Variants in KCNH1 observed in about 807,000 individuals in gnomAD.
KCNH1 encodes the protein voltage-gated delayed rectifier potassium channel KCNH1.
In KCNH1, 27 loss-of-function variants were observed where a neutral mutation model predicts 69.2. That is an observed-to-expected ratio of 0.39 (90% CI 0.29 to 0.54). The LOEUF is 0.54. Ranked by LOEUF, KCNH1 falls within the 20% of genes least tolerant of loss-of-function variation. KCNH1 has a pLI of 0.68. For synonymous variants in KCNH1, 456 were observed against 487.7 expected (o/e 0.93, Z 0.86); for missense variants, 798 against 1,261.6 (o/e 0.63, Z 5.57).
chr1:211,129,841 G>A (rs78270044), intron 1 of KCNH1, among the ~76,000 whole-genome samples: 5 of 152,294 alleles, frequency 3.3e-5, no homozygotes, highest in Non-Finnish European at 5.9e-5. Flanking sequence ...TTAGCAATCT[G>A]TAAATTATAC....
chr1:211,113,432 A>G (rs1286862131), intron 1 of KCNH1, among the ~76,000 whole-genome samples: 1 of 152,176 alleles, frequency 6.6e-6, no homozygotes, highest in East Asian at 1.9e-4. Flanking sequence ...CCACTTCTAA[A>G]TGCTTGGGTT....
intron 7 of KCNH1, among the ~76,000 whole-genome samples, chr1:210,881,054 G>A (rs1686484753): frequency 6.7e-6 from 1 of 148,756 alleles, no homozygotes; most frequent in African/African-American, 2.5e-5. Flanking sequence ...GTCTCACTCT[G>A]TCACCCAGGC....
At chr1:210,740,432 C>A (rs999855606) in intron 10 of KCNH1, among the ~76,000 whole-genome samples, 1 of 152,000 alleles carries the variant, frequency 6.6e-6, no homozygotes, top group Non-Finnish European at 1.5e-5. Context: ...CTTCTATATT[C>A]GGTTCTGCTT....
chr1:210,962,342 C>A (rs984381461), intron 6 of KCNH1, among the ~76,000 whole-genome samples: 1 of 152,008 alleles, frequency 6.6e-6, no homozygotes, highest in Non-Finnish European at 1.5e-5. Context: ...CCATTTTTTT[C>A]ATTGCTTCAG....
chr1:210,795,960 A>AAAACACACACACACACACACACAC (rs1684303103), intron 9 of KCNH1, among the ~76,000 whole-genome samples: 2 of 68,440 alleles, frequency 2.9e-5, no homozygotes, highest in African/African-American at 4.3e-5. Flanking sequence ...ATCTCTACTA[A>AAAACACACACACACACACACACAC]AAACACACAC....
rs528554871 is a variant in KCNH1 at position 210,680,001 on chromosome 1, G to C, written c.*3280C>G. 2 of 149,100 alleles carry C rather than the reference G, an allele frequency of 1.3e-5. No homozygotes were observed. The highest frequency in any genetic ancestry group is 4.3e-4 in the South Asian group (2 of 4,624). The allele number at this position is 149,100 out of a possible 1,614,324, so 9.2% of individuals were successfully genotyped here. ...CATTAATTGTACACTAGACAATTTG[G>C]TTTCTCAACCAAATGGTCGTCTCTG... On this transcript the variant is annotated 3_prime_UTR_variant, in exon 11 of 11. Transcript: ENST00000271751.
chr1:210,850,053 C>T (rs942667237), intron 7 of KCNH1, among the ~76,000 whole-genome samples: 1 of 152,096 alleles, frequency 6.6e-6, no homozygotes, highest in Non-Finnish European at 1.5e-5. Context: ...CCAAAATTAT[C>T]ATGAGCAAAA....
intron 5 of KCNH1, among the ~76,000 whole-genome samples, chr1:211,050,680 T>C (rs2102440434): frequency 6.6e-6 from 1 of 152,354 alleles, no homozygotes; most frequent in Middle Eastern, 3.4e-3. Context: ...TATTTTTTTA[T>C]TTCAATATGA....
chr1:210,984,020 T>C, intron 6 of KCNH1, among the ~76,000 whole-genome samples: 1 of 152,216 alleles, frequency 6.6e-6, no homozygotes, highest in Admixed American at 6.5e-5. Context: ...AGGTATTTTA[T>C]TCTCTTTGCA....
intron 6 of KCNH1, among the ~76,000 whole-genome samples, chr1:210,925,592 T>C (rs115499186): frequency 0.01 from 1,574 of 152,242 alleles, 32 homozygotes; most frequent in African/African-American, 0.035. Flanking sequence ...GGGTGAAGCC[T>C]GTGACTGCCA....
chr1:210,983,098 C>T (rs7515316), intron 6 of KCNH1, among the ~76,000 whole-genome samples: 36,149 of 141,748 alleles, frequency 0.26, 5,911 homozygotes, highest in African/African-American at 0.46. Flanking sequence ...ATATCCTTCA[C>T]CCACTTTTTG....
chr1:211,038,116 C>T (rs540148970), intron 5 of KCNH1, among the ~76,000 whole-genome samples: 1 of 152,090 alleles, frequency 6.6e-6, no homozygotes, highest in Non-Finnish European at 1.5e-5. Context: ...CCCACCACCA[C>T]GCCTGGCTAA....
chr1:210,834,573 T>C (rs1385764802), intron 7 of KCNH1, among the ~76,000 whole-genome samples: 5 of 145,920 alleles, frequency 3.4e-5, no homozygotes, highest in Non-Finnish European at 6.0e-5. Flanking sequence ...TTGGGAGATA[T>C]ACCTAATGCT....
intron 6 of KCNH1, among the ~76,000 whole-genome samples, chr1:210,930,561 G>A (rs948397662): frequency 8.5e-5 from 13 of 152,060 alleles, no homozygotes; most frequent in Admixed American, 5.2e-4. Context: ...TTAAATCTAA[G>A]ACCCAAAACC....
At chr1:210,986,692 C>G (rs538693374) in intron 6 of KCNH1, among the ~76,000 whole-genome samples, 2 of 152,170 alleles carry the variant, frequency 1.3e-5, no homozygotes, top group Non-Finnish European at 2.9e-5. Flanking sequence ...GGTAACCCGA[C>G]CATTCTCTCT....
chr1:210,906,874 T>C (rs1222351605), intron 7 of KCNH1, among the ~76,000 whole-genome samples: 1 of 152,150 alleles, frequency 6.6e-6, no homozygotes, highest in Non-Finnish European at 1.5e-5. Context: ...GCTGATCAAA[T>C]TCATGGATAG....
intron 9 of KCNH1, among the ~76,000 whole-genome samples, chr1:210,790,692 C>T (rs1226264597): frequency 6.6e-6 from 1 of 152,176 alleles, no homozygotes; most frequent in Non-Finnish European, 1.5e-5. Context: ...CAGCCCTACT[C>T]CTGTCTCCAT....
At chr1:211,115,700 C>CATATATATATATAT (rs1558611335) in intron 1 of KCNH1, among the ~76,000 whole-genome samples, 18 of 53,952 alleles carry the variant, frequency 3.3e-4, no homozygotes, top group Admixed American at 1.0e-3. Flanking sequence ...AATAAACTCC[C>CATATATATATATAT]CTATATATAT....
chr1:211,046,953 T>C (rs946400454), intron 5 of KCNH1, among the ~76,000 whole-genome samples: 1 of 152,170 alleles, frequency 6.6e-6, no homozygotes, highest in Admixed American at 6.6e-5. Context: ...TCTTATATGA[T>C]TTAGCAGCCA....
Sources: allele counts gnomAD v4.1 joint callset (sites outside exome capture counted in the v4.1 genomes callset), GRCh38; gene constraint gnomAD v4.1.1; transcripts MANE v1.5; gene names NCBI Gene and HGNC (gene_info 2026-07-23, HGNC 2026-07-21).